The following MARCHF11 variants were observed in gnomAD, a reference collection of about 807,000 sequenced individuals.
MARCHF11 encodes the protein E3 ubiquitin-protein ligase MARCHF11.
A neutral mutation model predicts 37.3 loss-of-function variants in MARCHF11; 29 were observed. The observed-to-expected ratio is 0.78, with a 90% CI of 0.58 to 1.06. The LOEUF is 1.06. Ranked by LOEUF, MARCHF11 falls within the 50% of genes least tolerant of loss-of-function variation. MARCHF11 has a pLI of 0.00. For missense variants in MARCHF11, 482 were observed against 533.4 expected, an observed-to-expected ratio of 0.90 and a Z score of 0.95; for synonymous variants, 233 against 228.0, an observed-to-expected ratio of 1.02 and a Z score of -0.20.
intron 2 of MARCHF11, among the ~76,000 whole-genome samples, chr5:16,101,963 G>A (rs1736965521): frequency 6.6e-6 from 1 of 152,214 alleles, no homozygotes; most frequent in African/African-American, 2.4e-5. Context: ...GCTTCTCTTA[G>A]CTACAGGGAG....
chr5:16,100,360 A>T (rs1736935178), intron 2 of MARCHF11, among the ~76,000 whole-genome samples: 1 of 152,196 alleles, frequency 6.6e-6, no homozygotes, highest in Non-Finnish European at 1.5e-5. Flanking sequence ...CAAAGGTAAA[A>T]CTGGCCCAAG....
chr5:16,140,550 C>T (rs1028121866), intron 2 of MARCHF11, among the ~76,000 whole-genome samples: 3 of 152,146 alleles, frequency 2.0e-5, no homozygotes. Flanking sequence ...ACAGCTCATT[C>T]CAATGCTATT....
chr5:16,158,687 AT>A (rs1738019007), intron 2 of MARCHF11, among the ~76,000 whole-genome samples: 1 of 151,980 alleles, frequency 6.6e-6, no homozygotes, highest in South Asian at 2.1e-4. Flanking sequence ...GTTAATAACA[AT>A]GTATTGCATT....
intron 3 of MARCHF11, among the ~76,000 whole-genome samples, chr5:16,069,473 T>C (rs1038779460): frequency 6.6e-6 from 1 of 152,204 alleles, no homozygotes; most frequent in Admixed American, 6.5e-5. Context: ...CAACATATTA[T>C]TCTGTGTATT....
intron 3 of MARCHF11, among the ~76,000 whole-genome samples, chr5:16,068,551 A>G (rs1736387171): frequency 6.6e-6 from 1 of 152,188 alleles, no homozygotes; most frequent in African/African-American, 2.4e-5. Flanking sequence ...TTGCTGCTAT[A>G]AAGTGAATCA....
chr5:16,156,198 T>C (rs192242591), intron 2 of MARCHF11, among the ~76,000 whole-genome samples: 155 of 152,036 alleles, frequency 1.0e-3, no homozygotes, highest in African/African-American at 3.6e-3. Flanking sequence ...GAGATCACTT[T>C]GTTGACCCTG....
intron 2 of MARCHF11, among the ~76,000 whole-genome samples, chr5:16,142,479 T>C (rs1472885355): frequency 6.6e-6 from 1 of 152,090 alleles, no homozygotes; most frequent in Non-Finnish European, 1.5e-5. Context: ...TAGCAAAATA[T>C]ATTCTAGAGC....
At chr5:16,134,122 T>C (rs1003934093) in intron 2 of MARCHF11, among the ~76,000 whole-genome samples, 2 of 152,180 alleles carry the variant, frequency 1.3e-5, no homozygotes, top group African/African-American at 4.8e-5. Context: ...TAAAAACTCA[T>C]GAGGCTCAGT....
intron 2 of MARCHF11, among the ~76,000 whole-genome samples, chr5:16,129,447 A>G (rs571146215): frequency 1.3e-5 from 2 of 152,204 alleles, no homozygotes; most frequent in Non-Finnish European, 2.9e-5. Flanking sequence ...ATTAAAATAA[A>G]CCATTTTTAA....
intron 2 of MARCHF11, among the ~76,000 whole-genome samples, chr5:16,138,039 GAA>G (rs1737636252): frequency 6.6e-6 from 1 of 152,182 alleles, no homozygotes; most frequent in Admixed American, 6.5e-5. Flanking sequence ...CAATAGAAAA[GAA>G]ACACCCATTT....
intron 2 of MARCHF11, among the ~76,000 whole-genome samples, chr5:16,119,748 A>G (rs1737282921): frequency 6.6e-6 from 1 of 152,190 alleles, no homozygotes; most frequent in African/African-American, 2.4e-5. Flanking sequence ...TTTGCTGACA[A>G]TACCATTTAA....
chr5:16,155,713 C>T (rs1473498519), intron 2 of MARCHF11, among the ~76,000 whole-genome samples: 1 of 151,816 alleles, frequency 6.6e-6, no homozygotes, highest in Non-Finnish European at 1.5e-5. Flanking sequence ...TTGTTCTTGC[C>T]CGATTTTTGG....
chr5:16,073,819 G>A (rs1409137395), intron 3 of MARCHF11, among the ~76,000 whole-genome samples: 1 of 152,030 alleles, frequency 6.6e-6, no homozygotes, highest in Non-Finnish European at 1.5e-5. Context: ...CATCTCCACT[G>A]TTGTCCATAT....
chr5:16,080,220 T>G (rs1579675684), intron 3 of MARCHF11, among the ~76,000 whole-genome samples: 1 of 152,074 alleles, frequency 6.6e-6, no homozygotes, highest in Admixed American at 6.5e-5. Context: ...GTCCAGTGAG[T>G]GATTGTTGGC....
Position 16,085,939 on chromosome 5 carries a change from C to CAAAAAA in MARCHF11, c.886+4944_886+4949dup, listed in dbSNP as rs56782867. ...TGGGCGAAAGAGCAAGACTCCATCT[C>CAAAAAA]AAAAAAAAAAAAAAAAAAAAAAAAA... On this transcript the variant is annotated intron_variant, in intron 3 of 3. Coordinates refer to ENST00000332432, the MANE Select transcript of MARCHF11 (RefSeq NM_001102562.3). Among the ~76,000 whole-genome samples the CAAAAAA allele has an allele frequency of 3.8e-3, 154 of 40,972 alleles. 38 individuals are homozygous for CAAAAAA. The highest frequency in any genetic ancestry group is 5.5e-3 in the Non-Finnish European group (118 of 21,444). The allele number at this position is 40,972 out of a possible 152,430, so 26.9% of individuals were successfully genotyped here. A position where few individuals can be genotyped will look rare whatever the true frequency, so the allele number is the denominator to read the frequency against.
In MARCHF11 at chr5:16,128,105, C is replaced by G. The variant is rs9312905; in HGVS notation, c.694-37024G>C. Reference sequence around the variant, plus strand: ...CTTCTAACCCTACTCATACCACCCACGAAACCTGCTGAGGGTTCCATCTGC... The same window carrying G: ...CTTCTAACCCTACTCATACCACCCAGGAAACCTGCTGAGGGTTCCATCTGC... On this transcript the variant is annotated intron_variant, in intron 2 of 3. Transcript: ENST00000332432. Among the ~76,000 whole-genome samples, 5 of 152,238 alleles carry G rather than the reference C, an allele frequency of 3.3e-5. No individual in the cohort carries two copies. In the East Asian group the frequency reaches 9.7e-4, roughly 29 times the overall value.
intron 3 of MARCHF11, among the ~76,000 whole-genome samples, chr5:16,085,681 A>G (rs868578938): frequency 3.9e-5 from 6 of 152,092 alleles, no homozygotes; most frequent in South Asian, 2.1e-4. Context: ...CGCCGGGCGC[A>G]GTGGCTCACG....
chr5:16,174,274 A>ATT lies in MARCHF11; in HGVS notation c.693+3451_693+3452insAA, dbSNP rs1579428378. ...TCTTGGATATGTTAATAAATAAAAT[A>ATT]GATTCTGCCAGTAGATAGGAAGGTA... On this transcript the variant is annotated intron_variant, in intron 2 of 3. Coordinates refer to ENST00000332432, the MANE Select transcript of MARCHF11 (RefSeq NM_001102562.3). Among the ~76,000 whole-genome samples, 5 of 152,382 alleles carry ATT rather than the reference A, an allele frequency of 3.3e-5. No individual in the cohort carries two copies. In the East Asian group the frequency reaches 9.7e-4, roughly 29 times the overall value.
chr5:16,123,435 C>A (rs1737345864), intron 2 of MARCHF11, among the ~76,000 whole-genome samples: 1 of 152,084 alleles, frequency 6.6e-6, no homozygotes, highest in Non-Finnish European at 1.5e-5. Flanking sequence ...TTTGCTGACA[C>A]CTTGACCTCT....
Sources: allele counts gnomAD v4.1 joint callset (sites outside exome capture counted in the v4.1 genomes callset), GRCh38; gene constraint gnomAD v4.1.1; transcripts MANE v1.5; gene names NCBI Gene and HGNC (gene_info 2026-07-23, HGNC 2026-07-21).